The following PDLIM5 variants were observed in gnomAD, a reference collection of about 807,000 sequenced individuals.
The protein encoded by PDLIM5 is PDZ and LIM domain protein 5.
PDLIM5 carries 34 observed loss-of-function variants against 64.2 expected under a neutral mutation model. The observed-to-expected ratio is 0.53, with a 90% CI of 0.40 to 0.71. The LOEUF is 0.71. Among genes scored for constraint, PDLIM5 ranks in the 30% least tolerant of loss-of-function variants. The pLI is 0.00. For synonymous variants in PDLIM5, 253 were observed against 269.1 expected, an observed-to-expected ratio of 0.94 and a Z score of 0.59; for missense variants, 683 against 733.6, an observed-to-expected ratio of 0.93 and a Z score of 0.80.
chr4:94,554,854 G>A (rs770771223), intron 3 of PDLIM5, among the ~76,000 whole-genome samples: 17 of 152,130 alleles, frequency 1.1e-4, no homozygotes, highest in Non-Finnish European at 2.2e-4. Context: ...AGGTTGACAT[G>A]AATTTTTGAC....
intron 2 of PDLIM5, among the ~76,000 whole-genome samples, chr4:94,506,862 C>T (rs1029305734): frequency 3.9e-5 from 6 of 152,132 alleles, no homozygotes; most frequent in Admixed American, 6.5e-5. Flanking sequence ...ACCATCCAGT[C>T]GGCTGCCAGC....
chr4:94,634,242 C>T (rs73834225), intron 8 of PDLIM5, among the ~76,000 whole-genome samples: 6,822 of 152,208 alleles, frequency 0.045, 282 homozygotes, highest in East Asian at 0.15. Context: ...AGGAGATCTA[C>T]AGGCAGTCAC....
intron 9 of PDLIM5, among the ~76,000 whole-genome samples, chr4:94,643,266 ATTACT>A (rs1265315209): frequency 6.6e-6 from 1 of 152,200 alleles, no homozygotes; most frequent in East Asian, 1.9e-4. Flanking sequence ...TTATGGAGAC[ATTACT>A]TTGACTAGCT....
At chr4:94,637,912 G>A (rs1040305888) in intron 8 of PDLIM5, among the ~76,000 whole-genome samples, 8 of 152,144 alleles carry the variant, frequency 5.3e-5, no homozygotes, top group Admixed American at 1.3e-4. Context: ...AAAAGATAGA[G>A]GGTGGGTTTG....
At chr4:94,478,290 T>G (rs192283702) in intron 2 of PDLIM5, among the ~76,000 whole-genome samples, 3 of 150,746 alleles carry the variant, frequency 2.0e-5, no homozygotes, top group Admixed American at 2.0e-4. Flanking sequence ...AGTATTAATA[T>G]ATATATAATG....
At chr4:94,584,952 C>G (rs760139738) in intron 5 of PDLIM5, 2 of 1,462,484 alleles carry the variant, frequency 1.4e-6, no homozygotes, top group Non-Finnish European at 1.9e-6. Context: ...TGTTGGAAAT[C>G]TTTCTTCTGC....
intron 2 of PDLIM5, among the ~76,000 whole-genome samples, chr4:94,506,848 G>A (rs1405525951): frequency 6.6e-6 from 1 of 152,134 alleles, no homozygotes; most frequent in East Asian, 1.9e-4. Flanking sequence ...CAATGTAGGT[G>A]GGCACCATCC....
chr4:94,626,527 GGGA>G (rs1739711009), intron 8 of PDLIM5, among the ~76,000 whole-genome samples: 1 of 152,130 alleles, frequency 6.6e-6, no homozygotes, highest in Non-Finnish European at 1.5e-5. Context: ...TGTTAGGGAT[GGGA>G]TAGAAAGGAT....
intron 2 of PDLIM5, among the ~76,000 whole-genome samples, chr4:94,477,696 A>C (rs1182953389): frequency 6.6e-6 from 1 of 152,288 alleles, no homozygotes; most frequent in African/African-American, 2.4e-5. Flanking sequence ...TTTGAACTGC[A>C]TGGGTCCATT....
intron 3 of PDLIM5, among the ~76,000 whole-genome samples, chr4:94,554,495 T>C (rs1371757493): frequency 6.6e-6 from 1 of 152,152 alleles, no homozygotes; most frequent in Non-Finnish European, 1.5e-5. Context: ...TACATATATA[T>C]AAAGACACAG....
At chr4:94,528,968 C>G (rs1730617448) in intron 3 of PDLIM5, among the ~76,000 whole-genome samples, 1 of 152,158 alleles carries the variant, frequency 6.6e-6, no homozygotes, top group African/African-American at 2.4e-5. Flanking sequence ...GGCCCTCTGT[C>G]AGGGAGGCTG....
In PDLIM5 at chr4:94,572,330, A is replaced by G. The variant is rs1450800847; in HGVS notation, c.249-1021A>G. On this transcript the variant is annotated intron_variant, in intron 3 of 12. Transcript: ENST00000317968. ...AAGTAAATAGGCTTTAAAACATTAGAGGCTTTCCCAGTCATTTAGTTCCTG... is the reference window on the plus strand; with the variant it reads ...AAGTAAATAGGCTTTAAAACATTAGGGGCTTTCCCAGTCATTTAGTTCCTG... Among the ~76,000 whole-genome samples, 4 of 152,294 alleles carry G rather than the reference A, an allele frequency of 2.6e-5. 1 individual carries two copies. The East Asian group carries it at 7.7e-4, about 29-fold the overall frequency.
chr4:94,529,831 A>G (rs1730701652), intron 3 of PDLIM5, among the ~76,000 whole-genome samples: 1 of 152,202 alleles, frequency 6.6e-6, no homozygotes, highest in South Asian at 2.1e-4. Flanking sequence ...AATTCTATTT[A>G]AAATTATTTT....
intron 8 of PDLIM5, among the ~76,000 whole-genome samples, chr4:94,620,064 C>T (rs72667648): frequency 0.047 from 7,226 of 152,284 alleles, 239 homozygotes; most frequent in Non-Finnish European, 0.074. Flanking sequence ...TCATCTCCTG[C>T]TTCACCCAAT....
intron 9 of PDLIM5, among the ~76,000 whole-genome samples, chr4:94,642,141 G>A (rs1243562424): frequency 6.6e-6 from 1 of 152,138 alleles, no homozygotes; most frequent in Non-Finnish European, 1.5e-5. Context: ...CAGTACTTTG[G>A]TTGCCTAGAC....
At chr4:94,608,049 G>A in intron 7 of PDLIM5, 1 of 1,521,194 alleles carries the variant, frequency 6.6e-7, no homozygotes, top group East Asian at 2.5e-5. Context: ...TTTTACTTCT[G>A]AAAACTTAGG....
At chr4:94,659,448 A>C (rs1578560932) in intron 11 of PDLIM5, among the ~76,000 whole-genome samples, 2 of 150,156 alleles carry the variant, frequency 1.3e-5, no homozygotes, top group African/African-American at 2.5e-5. Context: ...CCTTCCTTCC[A>C]ACCTCCAAAC....
intron 11 of PDLIM5, among the ~76,000 whole-genome samples, chr4:94,657,861 C>T (rs943297152): frequency 3.3e-5 from 5 of 152,066 alleles, no homozygotes; most frequent in Admixed American, 3.3e-4. Context: ...CATGTGCCAC[C>T]ATGCTCGGCT....
intron 2 of PDLIM5, among the ~76,000 whole-genome samples, chr4:94,522,096 G>T (rs150762958): frequency 3.7e-4 from 56 of 152,288 alleles, no homozygotes; most frequent in East Asian, 7.7e-4. Context: ...AGGCCTCTGA[G>T]ATCGTCTAGT....
Sources: gnomAD v4.1 joint callset for allele counts (sites outside exome capture counted in the v4.1 genomes callset) on GRCh38, gnomAD v4.1.1 for gene constraint, MANE v1.5 for transcripts, NCBI Gene and HGNC (gene_info 2026-07-23, HGNC 2026-07-21) for gene names.